Variants in ABCC6 observed in about 807,000 individuals in gnomAD.
ABCC6 encodes ATP-binding cassette sub-family C member 6.
Under a neutral mutation model 169.5 loss-of-function variants are expected in ABCC6, and 126 were observed. The ratio of observed to expected loss-of-function variants is 0.74; its 90% CI spans 0.64 to 0.86. ABCC6 has a LOEUF of 0.86. Ranked by LOEUF, ABCC6 falls within the 40% of genes least tolerant of loss-of-function variation. ABCC6 has a pLI of 0.00. For missense variants in ABCC6, 1,733 were observed against 1,927.2 expected (o/e 0.90, Z 1.89); for synonymous variants, 752 against 814.7 (o/e 0.92, Z 1.31).
At chr16:16,162,843 G>A (rs1232290815) in intron 24 of ABCC6, 150 bp downstream of exon 24, 11 of 1,044,028 alleles carry the variant, frequency 1.1e-5, no homozygotes, top group Admixed American at 1.7e-5. Flanking sequence ...ATCTGCCCAC[G>A]GTGAGAACTG....
Position 16,157,690 on chromosome 16 carries a change from C to T in ABCC6, c.3855G>A (p.Val1285=). 6.2e-7 allele frequency: 1 copy of T among 1,614,058 alleles called. No homozygotes were observed. The highest frequency in any genetic ancestry group is 8.5e-7 in the Non-Finnish European group (1 of 1,180,000). Residue 1285 remains valine, a synonymous_variant, in exon 27 of 31, where the codon GTG becomes GTA. Transcript: ENST00000205557. ...TCTCTCCTGCGTGGATCTTGAAGGA[C>T]ACGCCCTGCACAGCCAGCGGGAGCT... ...RPELPLAVQG[V]SFKIHAGEKV...
At chr16:16,166,080 T>A in intron 22 of ABCC6, 147 bp from the exon 23 acceptor site, 1 of 782,790 alleles carries the variant, frequency 1.3e-6, no homozygotes, top group Non-Finnish European at 2.0e-6. Flanking sequence ...AGACAGGGTC[T>A]CACTCTGTCA....
chr16:16,186,983 G>A (rs1399500895), intron 14 of ABCC6, 141 bp downstream of exon 14: 1 of 733,294 alleles, frequency 1.4e-6, no homozygotes, highest in Non-Finnish European at 2.4e-6. Flanking sequence ...GTGACACGCA[G>A]ATGGCGTGAT....
rs187155593 is a variant in ABCC6 at position 16,151,248 on chromosome 16, G to C, written c.4209-476C>G. On this transcript the variant is annotated intron_variant, in intron 29 of 30. Transcript: ENST00000205557. ...CTGGCTTTTGTATTTTTAAAGTAGA[G>C]ATGGGGTTTCACCATGTTGGTCCGA... Among the ~76,000 whole-genome samples, 20 of 152,210 alleles carry C rather than the reference G, an allele frequency of 1.3e-4. No individual in the cohort carries two copies. In the East Asian group the frequency reaches 3.9e-3, roughly 29 times the overall value.
Position 16,182,533 on chromosome 16 carries a change from T to C in ABCC6, c.2126A>G (p.Glu709Gly), listed in dbSNP as rs1555513103. The C allele has an allele frequency of 5.0e-6, 8 of 1,614,170 alleles. No homozygotes were observed. The highest frequency in any genetic ancestry group is 6.8e-6 in the Non-Finnish European group (8 of 1,180,020). ...CAGCTCCTGCCCGAAGCACACATTC[T>C]CTACCACAGAGGTGTTCTGCACCCA... ...EAWVQNTSVV[E>G]NVCFGQELDP... Residue 709 changes from glutamate (E) to glycine (G), a missense_variant, in exon 17 of 31, where the codon GAG becomes GGG. Physicochemically the swap from Glu to Gly is moderately conservative, Grantham distance 98. Transcript: ENST00000205557.
intron 10 of ABCC6, among the ~76,000 whole-genome samples, chr16:16,196,947 C>A (rs761814634): frequency 6.6e-6 from 1 of 152,114 alleles, no homozygotes; most frequent in African/African-American, 2.4e-5. Flanking sequence ...CCTACCTCAC[C>A]CCCCAAATTG....
Position 16,150,631 on chromosome 16 carries a change from C to T in ABCC6, c.4350G>A (p.Gln1450=). ...MQAMLGSWFA[Q]CTVLLIAHRL... ...GGTGGGCAATGAGCAGCACAGTGCA[C>T]TGTGCAAACCAGCTCCCGAGCATGG... The change falls in exon 30 of 31, where the codon CAG becomes CAA. Residue 1450 remains glutamine, a synonymous_variant. Coordinates refer to ENST00000205557, the MANE Select transcript of ABCC6 (RefSeq NM_001171.6). 6.2e-7 allele frequency: 1 copy of T among 1,613,574 alleles called. No individual in the cohort carries two copies. Among genetic ancestry groups the T allele is most frequent in the South Asian group, 1.1e-5 (1 of 91,018 alleles).
chr16:16,190,401 G>A (rs1421396031), intron 11 of ABCC6, 34 bp from the exon 12 acceptor site: 2 of 1,611,986 alleles, frequency 1.2e-6, no homozygotes, highest in African/African-American at 2.7e-5. Flanking sequence ...GATGAAGACA[G>A]GGACAGTTGA....
intron 7 of ABCC6, among the ~76,000 whole-genome samples, chr16:16,207,787 C>T (rs1205960784): frequency 2.6e-5 from 4 of 151,292 alleles, no homozygotes; most frequent in African/African-American, 7.3e-5. Context: ...TTATCTAGAC[C>T]AGAGTTTCTC....
chr16:16,168,627 G>A (rs2046957128), intron 22 of ABCC6, among the ~76,000 whole-genome samples: 1 of 152,150 alleles, frequency 6.6e-6, no homozygotes, highest in African/African-American at 2.4e-5. Context: ...GGTGGGTGTG[G>A]TTGCAAAAGG....
chr16:16,161,492 G>A lies in ABCC6; in HGVS notation c.3579C>T (p.Ser1193=), dbSNP rs942953625. The A allele has an allele frequency of 6.2e-7, 1 of 1,614,016 alleles. No homozygotes were observed. Among genetic ancestry groups the A allele is most frequent in the Non-Finnish European group, 8.5e-7 (1 of 1,180,032 alleles). ...VFAAATCAVL[S]KAHLSAGLVG... The stretch of plus-strand genomic sequence containing the variant: ...CGAGGCCAGCACTGAGGTGGGCTTT[G>A]CTCAGCACAGCACACGTGGCAGCTG... Residue 1193 remains serine (S), a synonymous_variant, in exon 25 of 31, where the codon AGC becomes AGT. Coordinates refer to ENST00000205557, the MANE Select transcript of ABCC6 (RefSeq NM_001171.6).
At chr16:16,161,661 A>C (rs2046723745) in intron 24 of ABCC6, 97 bp from the exon 25 acceptor site, 1 of 1,540,236 alleles carries the variant, frequency 6.5e-7, no homozygotes, top group Admixed American at 1.8e-5. Flanking sequence ...AGCTTTGTAC[A>C]CACAGGGGTC....
chr16:16,210,266 G>A (rs1362723430), intron 6 of ABCC6, among the ~76,000 whole-genome samples: 1 of 151,188 alleles, frequency 6.6e-6, no homozygotes, highest in Non-Finnish European at 1.5e-5. Flanking sequence ...CCTCCTGAGT[G>A]ACTGGGATTG....
chr16:16,157,873 A>G (rs1193724990), intron 26 of ABCC6, 64 bp from the exon 27 acceptor site: 7 of 1,539,452 alleles, frequency 4.5e-6, no homozygotes, highest in Admixed American at 1.9e-5. Context: ...AAGATGGCCC[A>G]CCTCTATCAG....
chr16:16,152,192 C>CAAAAAAAAAAAA (rs61339757), intron 29 of ABCC6, among the ~76,000 whole-genome samples: 1 of 40,318 alleles, frequency 2.5e-5, no homozygotes, highest in African/African-American at 1.2e-4. Flanking sequence ...GACTCTGTCT[C>CAAAAAAAAAAAA]AAAAAAAAAA....
Position 16,200,253 on chromosome 16 carries a change from A to G in ABCC6, c.1176+1748T>C, listed in dbSNP as rs562048149. Among the ~76,000 whole-genome samples the G allele has an allele frequency of 1.5e-4, 23 of 151,978 alleles. No homozygotes were observed. In the East Asian group the frequency reaches 1.6e-3, roughly 10 times the overall value. The stretch of plus-strand genomic sequence containing the variant: ...TCGATACCAGCTTGGCCAACATGGT[A>G]AAACCCTGTCTACTAAAAATACAAA... On this transcript the variant is annotated intron_variant, in intron 9 of 30. Coordinates refer to ENST00000205557, the MANE Select transcript of ABCC6 (RefSeq NM_001171.6).
chr16:16,154,608 CCAT>C lies in ABCC6; in HGVS notation c.4208+17_4208+19del. 1 of 1,611,470 alleles carries C rather than the reference CCAT, an allele frequency of 6.2e-7. No homozygotes were observed. Among genetic ancestry groups the C allele is most frequent in the Non-Finnish European group, 8.5e-7 (1 of 1,179,936 alleles). On this transcript the variant is annotated intron_variant, in intron 29 of 30. Coordinates refer to ENST00000205557, the MANE Select transcript of ABCC6 (RefSeq NM_001171.6). ...CTCCTCTCCCACCTGCAGGTCCCAG[CCAT>C]GGTGGGACGACCATACCTCAGGTCC... is the stretch of plus-strand genomic sequence containing the variant.
chr16:16,176,355 T>G (rs1018759521), intron 19 of ABCC6, among the ~76,000 whole-genome samples: 1 of 152,090 alleles, frequency 6.6e-6, no homozygotes, highest in Non-Finnish European at 1.5e-5. Context: ...AGGTACCATC[T>G]CCCCTAGGAA....
At chr16:16,207,272 CT>C (rs2048422854) in intron 7 of ABCC6, among the ~76,000 whole-genome samples, 3 of 152,272 alleles carry the variant, frequency 2.0e-5, no homozygotes, top group African/African-American at 7.2e-5. Flanking sequence ...CACCAGCCCC[CT>C]GGGCATGGGA....
Sources: gnomAD v4.1 joint callset for allele counts (sites outside exome capture counted in the v4.1 genomes callset) on GRCh38, gnomAD v4.1.1 for gene constraint, MANE v1.5 for transcripts, NCBI Gene and HGNC (gene_info 2026-07-23, HGNC 2026-07-21) for gene names.